Variants in LUZP2 observed in about 807,000 individuals in gnomAD.
The protein encoded by LUZP2 is leucine zipper protein 2.
LUZP2 carries 52 observed loss-of-function variants against 51.6 expected under a neutral mutation model. The ratio of observed to expected loss-of-function variants is 1.01; its 90% confidence interval spans 0.81 to 1.27. The LOEUF (loss-of-function observed/expected upper bound fraction) is 1.27. LUZP2 is among the 50% of genes most tolerant of loss of function. The pLI is 0.00. For synonymous variants in LUZP2, 154 were observed against 137.3 expected (o/e 1.12, Z -0.85); for missense variants, 436 against 395.4 (o/e 1.10, Z -0.87).
At chr11:25,052,790 A>G (rs1858560190) in intron 10 of LUZP2, among the ~76,000 whole-genome samples, 2 of 151,620 alleles carry the variant, frequency 1.3e-5, no homozygotes, top group Non-Finnish European at 2.9e-5. Flanking sequence ...AAAATTCTTT[A>G]TCACATTTCT....
chr11:24,556,992 T>A (rs1851887681), intron 1 of LUZP2, among the ~76,000 whole-genome samples: 1 of 152,168 alleles, frequency 6.6e-6, no homozygotes, highest in Non-Finnish European at 1.5e-5. Flanking sequence ...CCATGCACTC[T>A]ACCATTATTA....
chr11:24,714,894 G>T (rs1344658066), intron 1 of LUZP2, among the ~76,000 whole-genome samples: 2 of 152,148 alleles, frequency 1.3e-5, no homozygotes, highest in African/African-American at 4.8e-5. Context: ...CTGTGCCCTT[G>T]CCATAGCATC....
intron 9 of LUZP2, among the ~76,000 whole-genome samples, chr11:25,010,457 A>T (rs1856948606): frequency 6.6e-6 from 1 of 152,128 alleles, no homozygotes; most frequent in Non-Finnish European, 1.5e-5. Flanking sequence ...CTGAAGCAAG[A>T]GAGTCACTTG....
At chr11:25,043,588 A>ATGTATCCAGGATATATGATATC (rs1275452582) in intron 9 of LUZP2, among the ~76,000 whole-genome samples, 14 of 151,874 alleles carry the variant, frequency 9.2e-5, no homozygotes, top group Admixed American at 8.6e-4. Flanking sequence ...TATATGATAT[A>ATGTATCCAGGATATATGATATC]TATATATCCT....
chr11:25,037,378 A>G (rs991488903), intron 9 of LUZP2, among the ~76,000 whole-genome samples: 1 of 152,252 alleles, frequency 6.6e-6, no homozygotes. Flanking sequence ...CCTGAAGACA[A>G]CAAATGATTG....
In LUZP2 at chr11:25,080,480, A is replaced by G. The variant is rs1859432316; in HGVS notation, c.*1822A>G. 8.0e-6 allele frequency: 1 copy of G among 124,506 alleles called. No homozygotes were observed. 7.7% of individuals were successfully genotyped at this position (124,506 alleles called of 1,614,324 possible). On this transcript the variant is annotated 3_prime_UTR_variant, in exon 12 of 12. Transcript: ENST00000336930. Reference sequence around the variant, plus strand: ...ATATTTTTCATAAAACCGGCTACCCAAGGAAAAAAATAATTAGCTTTATGG... The same window carrying G: ...ATATTTTTCATAAAACCGGCTACCCGAGGAAAAAAATAATTAGCTTTATGG...
chr11:24,986,733 C>T (rs1307396520), intron 9 of LUZP2, among the ~76,000 whole-genome samples: 8 of 151,502 alleles, frequency 5.3e-5, no homozygotes, highest in Non-Finnish European at 2.9e-5. Context: ...AAAAAACTCA[C>T]TTTGTATATC....
At chr11:24,648,444 C>A (rs1291554815) in intron 1 of LUZP2, among the ~76,000 whole-genome samples, 1 of 151,928 alleles carries the variant, frequency 6.6e-6, no homozygotes, top group East Asian at 1.9e-4. Flanking sequence ...GTATGTCTAG[C>A]CAATGGCCTC....
Position 24,801,706 on chromosome 11 carries a change from T to C in LUZP2, c.396+38398T>C, listed in dbSNP as rs1002543400. On this transcript the variant is annotated intron_variant, in intron 5 of 11. Transcript: ENST00000336930. ...TCTAATAGTATTATCATTTAGACAA[T>C]AATAGTCTAGTAGGGGATGTAGGCA... is the stretch of plus-strand genomic sequence containing the variant. Among the ~76,000 whole-genome samples the C allele has an allele frequency of 3.4e-4, 51 of 151,564 alleles. 1 individual carries two copies. The highest frequency in any genetic ancestry group is 1.2e-3 in the African/African-American group (50 of 41,280).
chr11:24,731,924 C>T (rs1362109283), intron 2 of LUZP2, among the ~76,000 whole-genome samples, 194 bp from the exon 3 acceptor site: 1 of 151,716 alleles, frequency 6.6e-6, no homozygotes. Flanking sequence ...TGCTCAATTC[C>T]TTTCAGCCAC....
chr11:25,029,365 C>T (rs1857581874), intron 9 of LUZP2, among the ~76,000 whole-genome samples: 1 of 151,906 alleles, frequency 6.6e-6, no homozygotes, highest in South Asian at 2.1e-4. Flanking sequence ...ACTAGGTACC[C>T]ACACAATTTT....
intron 1 of LUZP2, among the ~76,000 whole-genome samples, chr11:24,617,143 A>G (rs1854316506): frequency 6.6e-6 from 1 of 152,098 alleles, no homozygotes; most frequent in Non-Finnish European, 1.5e-5. Flanking sequence ...TGGTGAGGCT[A>G]TGCTATTTTT....
intron 5 of LUZP2, among the ~76,000 whole-genome samples, chr11:24,789,803 T>C (rs1396734125): frequency 6.6e-6 from 1 of 152,190 alleles, no homozygotes; most frequent in Non-Finnish European, 1.5e-5. Flanking sequence ...CTTGGGCTTC[T>C]TGTATAAGGG....
chr11:24,828,233 A>T (rs1012606576), intron 5 of LUZP2, among the ~76,000 whole-genome samples: 1 of 152,188 alleles, frequency 6.6e-6, no homozygotes, highest in Non-Finnish European at 1.5e-5. Flanking sequence ...CTTTTCTGTG[A>T]GGTCACATTT....
intron 1 of LUZP2, among the ~76,000 whole-genome samples, chr11:24,562,556 A>G (rs904396472): frequency 6.6e-6 from 1 of 151,918 alleles, no homozygotes; most frequent in African/African-American, 2.4e-5. Flanking sequence ...AATAGGGACA[A>G]TAAAGAAAGG....
chr11:24,605,696 G>A (rs909807505), intron 1 of LUZP2, among the ~76,000 whole-genome samples: 3 of 151,712 alleles, frequency 2.0e-5, no homozygotes, highest in African/African-American at 7.3e-5. Context: ...ATTGTAAAAT[G>A]ATATCCACAA....
At chr11:24,736,313 T>A (rs1475050914) in intron 3 of LUZP2, among the ~76,000 whole-genome samples, 1 of 151,998 alleles carries the variant, frequency 6.6e-6, no homozygotes, top group African/African-American at 2.4e-5. Context: ...TTTATGACCA[T>A]CTTTTAAAAA....
rs750907327 is a variant in LUZP2 at position 24,926,613 on chromosome 11, GTATA to G, written c.522+12083_522+12086del. On this transcript the variant is annotated intron_variant, in intron 7 of 11. Coordinates refer to ENST00000336930, the MANE Select transcript of LUZP2 (RefSeq NM_001009909.4). ...TGTGTATATATATGTGTGTATATATGTATATATATATGTGTGTATATATGTATAT... is the reference window on the plus strand; with the variant it reads ...TGTGTATATATATGTGTGTATATATGTATATATGTGTGTATATATGTATAT... Among the ~76,000 whole-genome samples the G allele has an allele frequency of 4.9e-5, 7 of 144,118 alleles. No homozygotes were observed. In the South Asian group the frequency reaches 1.5e-3, roughly 32 times the overall value. The allele number at this position is 144,118 out of a possible 152,430, so 94.5% of individuals were successfully genotyped here.
intron 1 of LUZP2, among the ~76,000 whole-genome samples, chr11:24,614,140 T>C (rs982119932): frequency 7.2e-5 from 11 of 152,008 alleles, no homozygotes; most frequent in Admixed American, 3.9e-4. Flanking sequence ...GATTCTACCT[T>C]TAAAACCTCT....
Sources: allele counts gnomAD v4.1 joint callset (sites outside exome capture counted in the v4.1 genomes callset), GRCh38; gene constraint gnomAD v4.1.1; transcripts MANE v1.5; gene names NCBI Gene and HGNC (gene_info 2026-07-23, HGNC 2026-07-21).